CAPN1: variants seen among roughly 807,000 people sequenced by gnomAD.
CAPN1 encodes calpain 1, also known as calpain-1 catalytic subunit.
CAPN1 carries 77 observed loss-of-function variants against 105.2 expected under a neutral mutation model. The ratio of observed to expected loss-of-function variants is 0.73; its 90% CI spans 0.61 to 0.88. The LOEUF is 0.88. Ranked by LOEUF, CAPN1 falls within the 40% of genes least tolerant of loss-of-function variation. The pLI, the probability that CAPN1 is intolerant of heterozygous loss-of-function variation, is 0.00. For synonymous variants in CAPN1, 355 were observed against 388.8 expected, an observed-to-expected ratio of 0.91 and a Z score of 1.02; for missense variants, 833 against 976.6, an observed-to-expected ratio of 0.85 and a Z score of 1.96.
At chr11:65,186,398 C>T in intron 6 of CAPN1, 60 bp downstream of exon 6, 1 of 1,481,030 alleles carries the variant, frequency 6.8e-7, no homozygotes. Context: ...TGACCTGTCA[C>T]ATTTTCTAAA....
At position 65,209,772 on chromosome 11, in the gene CAPN1, A is replaced by C; in HGVS notation, c.1795-77A>C. 6.9e-7 allele frequency: 1 copy of C among 1,445,710 alleles called. No homozygotes were observed. The allele number at this position is 1,445,710 out of a possible 1,614,324, so 89.6% of individuals were successfully genotyped here. A position where few individuals can be genotyped will look rare whatever the true frequency, so the allele number is the denominator to read the frequency against. Reference sequence around the variant, plus strand: ...AAGTCGACTTGCCGGCTCGGCGGCCATCTCCCCTTCTGCACAGTTGCCCAC... The same window carrying C: ...AAGTCGACTTGCCGGCTCGGCGGCCCTCTCCCCTTCTGCACAGTTGCCCAC... On this transcript the variant is annotated intron_variant, in intron 17 of 21. Transcript: ENST00000279247. The surrounding 1 kb of genome is among the most constrained non-coding windows in gnomAD (Gnocchi z 4.1).
At chr11:65,205,564 A>G (rs1948944098) in intron 11 of CAPN1, 146 bp from the exon 12 acceptor site, 3 of 749,106 alleles carry the variant, frequency 4.0e-6, no homozygotes, top group Admixed American at 2.0e-5. Context: ...TGGTGCAGGG[A>G]CCAGATCTGG....
chr11:65,182,780 G>A lies in CAPN1; in HGVS notation c.79G>A (p.Gly27Ser). Residue 27 changes from glycine (G) to serine (S), a missense_variant, in exon 2 of 22, where the codon GGC becomes AGC. Gly to Ser is a moderately conservative substitution (Grantham distance 56). Coordinates refer to ENST00000279247, the MANE Select transcript of CAPN1 (RefSeq NM_005186.4). ...QVQKQRAREL[G>S]LGRHENAIKY... Reference sequence around the variant, plus strand: ...GCAGAAGCAGCGGGCCAGGGAGCTGGGCCTGGGCCGCCATGAGAATGCCAT... The same window carrying A: ...GCAGAAGCAGCGGGCCAGGGAGCTGAGCCTGGGCCGCCATGAGAATGCCAT... 1 of 1,581,012 alleles carries A rather than the reference G, an allele frequency of 6.3e-7. No homozygotes were observed. The highest frequency in any genetic ancestry group is 8.6e-7 in the Non-Finnish European group (1 of 1,164,214).
Position 65,182,718 on chromosome 11 carries a change from T to C in CAPN1, c.17T>C (p.Ile6Thr). Residue 6 changes from isoleucine (I) to threonine (T), a missense_variant, in exon 2 of 22, where the codon ATC becomes ACC. Ile to Thr is a moderately conservative substitution (Grantham distance 89). Transcript: ENST00000279247. MSEEI[I>T]TPVYCTGVSA... ...TCCGGCAGGATGTCGGAGGAGATCA[T>C]CACGCCGGTGTACTGCACTGGGGTG... The C allele has an allele frequency of 6.4e-7, 1 of 1,572,876 alleles. No homozygotes were observed. The highest frequency in any genetic ancestry group is 1.2e-5 in the South Asian group (1 of 85,636).
At chr11:65,197,221 T>TGAAA (rs17883124) in intron 10 of CAPN1, among the ~76,000 whole-genome samples, 2 of 151,458 alleles carry the variant, frequency 1.3e-5, no homozygotes, top group African/African-American at 2.4e-5. Flanking sequence ...TATCAATTAC[T>TGAAA]GAAAGAAAGA....
At chr11:65,191,825 T>A (rs1255221738) in intron 10 of CAPN1, among the ~76,000 whole-genome samples, 4 of 152,340 alleles carry the variant, frequency 2.6e-5, no homozygotes, top group South Asian at 2.1e-4. Context: ...CCCTTTTTTT[T>A]ATTCTTATTT....
rs751021600 is a variant in CAPN1, at chr11:65,204,684, C to A, written c.1167C>A (p.Ala389=). ...CCCCGCCTCCTCACCTGCCCGCAGC[C>A]ACCTTCTGGGTGAACCCTCAGTTCA... is the stretch of plus-strand genomic sequence containing the variant. The part of the protein sequence containing the change: ...STAGGCRNYP[A]TFWVNPQFKI... The change falls in exon 11 of 22, where the codon GCC becomes GCA. Residue 389 remains alanine, a splice_region_variant and synonymous_variant. Coordinates refer to ENST00000279247, the MANE Select transcript of CAPN1 (RefSeq NM_005186.4). 6.2e-7 allele frequency: 1 copy of A among 1,606,982 alleles called. No individual in the cohort carries two copies. The highest frequency in any genetic ancestry group is 8.5e-7 in the Non-Finnish European group (1 of 1,174,698).
intron 10 of CAPN1, among the ~76,000 whole-genome samples, chr11:65,191,814 T>TC (rs1474154316): frequency 6.6e-6 from 1 of 152,230 alleles, no homozygotes; most frequent in Non-Finnish European, 1.5e-5. Flanking sequence ...CTCTTGTTCC[T>TC]CCCTTTTTTT....
At position 65,188,651 on chromosome 11, in the gene CAPN1, C is replaced by T. The variant is rs754873218; in HGVS notation, c.1070C>T (p.Ala357Val). ...RLEICNLTPDALKSRTIRKWN... is the reference protein window; with the variant it reads ...RLEICNLTPDVLKSRTIRKWN... ...GAGATCTGCAACCTCACACCCGACG[C>T]CCTCAAGAGCCGGACCATCCGCAAA... The change falls in exon 10 of 22, where the codon GCC becomes GTC. Residue 357 changes from alanine to valine, a missense_variant. Ala to Val is a moderately conservative substitution (Grantham distance 64). Coordinates refer to ENST00000279247, the MANE Select transcript of CAPN1 (RefSeq NM_005186.4). The surrounding 1 kb of genome is among the most constrained non-coding windows in gnomAD (Gnocchi z 5.5). The T allele has an allele frequency of 6.2e-7, 1 of 1,613,958 alleles. No homozygotes were observed. Among genetic ancestry groups the T allele is most frequent in the Non-Finnish European group, 8.5e-7 (1 of 1,179,868 alleles).
At chr11:65,195,103 T>G (rs1565403882) in intron 10 of CAPN1, among the ~76,000 whole-genome samples, 22 of 131,360 alleles carry the variant, frequency 1.7e-4, no homozygotes, top group African/African-American at 6.1e-4. Flanking sequence ...TTTTGGGGTT[T>G]TTTTTTTTTT....
chr11:65,190,696 G>A (rs953767377), intron 10 of CAPN1, among the ~76,000 whole-genome samples: 1 of 149,644 alleles, frequency 6.7e-6, no homozygotes, highest in South Asian at 2.1e-4. Context: ...TGTTTTTTTT[G>A]TTGTTGGTTT....
At chr11:65,182,237 G>C in intron 1 of CAPN1, 1 of 81,232 alleles carries the variant, frequency 1.2e-5, no homozygotes, top group East Asian at 3.7e-4. Context: ...CTGCTGCGGG[G>C]GCCTGAGGAG....
At chr11:65,211,028 G>T (rs879191198) in intron 21 of CAPN1, 156 bp downstream of exon 21, 1 of 780,934 alleles carries the variant, frequency 1.3e-6, no homozygotes, top group African/African-American at 1.7e-5. Context: ...CTGGGGTGGG[G>T]GTGTCTGGAT....
rs954239102 is a variant in CAPN1 at position 65,185,754 on chromosome 11, AC to A, written c.457-161del. The A allele has an allele frequency of 5.7e-5, 38 of 663,812 alleles. No individual in the cohort carries two copies. In the African/African-American group the frequency reaches 6.5e-4, roughly 11 times the overall value. 41.1% of individuals were successfully genotyped at this position (663,812 alleles called of 1,614,324 possible). A position where few individuals can be genotyped will look rare whatever the true frequency, so the allele number is the denominator to read the frequency against. ...ATCTACTATGTATCTGGTATACCTG[AC>A]CTAGTATACATCTAGTATGTATCTA... On this transcript the variant is annotated intron_variant, in intron 4 of 21. Coordinates refer to ENST00000279247, the MANE Select transcript of CAPN1 (RefSeq NM_005186.4).
At chr11:65,183,425 C>A (rs555178066) in intron 3 of CAPN1, 49 bp from the exon 4 acceptor site, 14 of 1,434,612 alleles carry the variant, frequency 9.8e-6, no homozygotes, top group South Asian at 5.7e-5. Context: ...CGCTTCCCCC[C>A]CCGGGGCAGG....
Position 65,210,020 on chromosome 11 carries a change from C to A in CAPN1, c.1866C>A (p.Ser622=). ...ILWNRIRNYL[S]IFRKFDLDKS... ...CTCACCCTCTGCCGCCACCTCAGTCCATCTTCCGGAAGTTTGACCTGGACA... is the reference window on the plus strand; with the variant it reads ...CTCACCCTCTGCCGCCACCTCAGTCAATCTTCCGGAAGTTTGACCTGGACA... Residue 622 remains serine, a splice_region_variant and synonymous_variant, in exon 19 of 22, where the codon TCC becomes TCA. Transcript: ENST00000279247. This position sits in a 1 kb window ranked among gnomAD's most constrained non-coding sequence, Gnocchi z 4.3. The A allele has an allele frequency of 6.2e-7, 1 of 1,613,218 alleles. No individual in the cohort carries two copies. The highest frequency in any genetic ancestry group is 8.5e-7 in the Non-Finnish European group (1 of 1,179,834).
In CAPN1 at chr11:65,188,489, G is replaced by C. The variant is rs1948671153; in HGVS notation, c.1004+1G>C. On this transcript the variant is annotated splice_donor_variant, in intron 9 of 21. Coordinates refer to ENST00000279247, the MANE Select transcript of CAPN1 (RefSeq NM_005186.4). LOFTEE classifies it high-confidence loss of function. This position sits in a 1 kb window ranked among gnomAD's most constrained non-coding sequence, Gnocchi z 5.5. ...TCAAGATGGAGGACGGGGAGTTCTG[G>C]TGAGCGCCCCCTCCCCTTCTACCCC... 1.9e-6 allele frequency: 3 copies of C among 1,612,832 alleles called. No individual in the cohort carries two copies. Among genetic ancestry groups the C allele is most frequent in the Non-Finnish European group, 2.5e-6 (3 of 1,179,368 alleles).
chr11:65,205,110 G>A (rs1948936236), intron 11 of CAPN1, among the ~76,000 whole-genome samples: 1 of 152,354 alleles, frequency 6.6e-6, no homozygotes, highest in East Asian at 1.9e-4. Flanking sequence ...TTCACCTCAC[G>A]CTTAGAGGGC....
chr11:65,205,424 G>C (rs1457140312), intron 11 of CAPN1, among the ~76,000 whole-genome samples: 1 of 152,126 alleles, frequency 6.6e-6, no homozygotes, highest in East Asian at 1.9e-4. Context: ...CCTGTCCCTG[G>C]GCTTTGGAAC....
Sources: allele counts gnomAD v4.1 joint callset (sites outside exome capture counted in the v4.1 genomes callset), GRCh38; gene constraint gnomAD v4.1.1; non-coding constraint Gnocchi (gnomAD v3.1); transcripts MANE v1.5; gene names NCBI Gene and HGNC (gene_info 2026-07-23, HGNC 2026-07-21).